C10orf88: variants seen among roughly 807,000 people sequenced by gnomAD.
C10orf88 encodes the protein ATPase PAAT.
In C10orf88, 29 loss-of-function variants were observed where a neutral mutation model predicts 34.2. The ratio of observed to expected loss-of-function variants is 0.85; its 90% CI spans 0.63 to 1.16. The LOEUF is 1.16. Among genes scored for constraint, C10orf88 ranks in the 50% most tolerant of loss-of-function variants. The pLI is 0.00. For missense variants in C10orf88, 507 were observed against 533.2 expected, an observed-to-expected ratio of 0.95 and a Z score of 0.48; for synonymous variants, 194 against 197.4, an observed-to-expected ratio of 0.98 and a Z score of 0.15.
chr10:122,944,195 A>T (rs1293079679), intron 4 of C10orf88, among the ~76,000 whole-genome samples: 1 of 152,088 alleles, frequency 6.6e-6, no homozygotes, highest in Admixed American at 6.6e-5. Context: ...CTATGCAGCC[A>T]TAAAAAATGG....
At position 122,948,767 on chromosome 10, in the gene C10orf88, G is replaced by C; in HGVS notation, c.530C>G (p.Ser177Cys). ...GTCTATCCTTGATCCTAGAGCAGGA[G>C]AGCTTGTTGAAGAATTTGCAAAAAC... ...RSVFANSSTS[S>C]PALGSRIDLD... The change falls in exon 4 of 6, where the codon TCT becomes TGT. Residue 177 changes from serine (S) to cysteine (C), a missense_variant. Physicochemically the swap from Ser to Cys is moderately radical, Grantham distance 112 (BLOSUM62 -1). Coordinates refer to ENST00000481909, the MANE Select transcript of C10orf88 (RefSeq NM_024942.4). The C allele has an allele frequency of 1.2e-6, 2 of 1,613,988 alleles. No individual in the cohort carries two copies. Among genetic ancestry groups the C allele is most frequent in the African/African-American group, 2.7e-5 (2 of 75,038 alleles).
At chr10:122,939,584 C>A (rs1012484250) in intron 4 of C10orf88, among the ~76,000 whole-genome samples, 1 of 151,752 alleles carries the variant, frequency 6.6e-6, no homozygotes, top group African/African-American at 2.4e-5. Flanking sequence ...TTATAAAATG[C>A]AAGTTTTGAA....
Position 122,951,976 on chromosome 10 carries a change from G to C in C10orf88, c.419C>G (p.Ser140Cys). 1 of 1,545,938 alleles carries C rather than the reference G, an allele frequency of 6.5e-7. No homozygotes were observed. The highest frequency in any genetic ancestry group is 1.2e-5 in the South Asian group (1 of 85,336). The change falls in exon 3 of 6, where the codon TCC becomes TGC. Residue 140 changes from serine to cysteine, a missense_variant. Ser to Cys is a moderately radical substitution (Grantham distance 112). Coordinates refer to ENST00000481909, the MANE Select transcript of C10orf88 (RefSeq NM_024942.4). ...LYKKNLKLES[S>C]THACKIKLLS... ...TACCTTTATTTTACAAGCATGTGTG[G>C]AGGACTCCAATTTTAGATTTTTTTT... is the stretch of plus-strand genomic sequence containing the variant.
intron 4 of C10orf88, among the ~76,000 whole-genome samples, chr10:122,944,076 A>G (rs895729871): frequency 1.3e-5 from 2 of 151,406 alleles, no homozygotes; most frequent in African/African-American, 4.9e-5. Flanking sequence ...ACATGCACAC[A>G]TATATTTATT....
In C10orf88 at chr10:122,937,892, T is replaced by C. The variant is rs747689323; in HGVS notation, c.916A>G (p.Asn306Asp). 5.0e-6 allele frequency: 8 copies of C among 1,613,476 alleles called. No individual in the cohort carries two copies. The highest frequency in any genetic ancestry group is 6.8e-6 in the Non-Finnish European group (8 of 1,179,552). ...VMPQNHSFLE[N>D]DLKNAMASFL... ...GAGGCCATTGCATTTTTAAGATCAT[T>C]TTCAAGAAAGGAATGGTTTTGAGGC... The change falls in exon 5 of 6, where the codon AAT becomes GAT. Residue 306 changes from asparagine to aspartate, a missense_variant. Asn to Asp is a conservative substitution (Grantham distance 23, BLOSUM62 1). Coordinates refer to ENST00000481909, the MANE Select transcript of C10orf88 (RefSeq NM_024942.4).
At chr10:122,935,546 C>G (rs1848527200) in intron 5 of C10orf88, among the ~76,000 whole-genome samples, 1 of 151,972 alleles carries the variant, frequency 6.6e-6, no homozygotes, top group African/African-American at 2.4e-5. Flanking sequence ...GTCTTGAAAT[C>G]AAGTAGTGAT....
Position 122,948,848 on chromosome 10 carries a change from G to T in C10orf88, c.449C>A (p.Ser150Tyr). ...GAACACACACTGCCTTTCGCCAAAG[G>T]AGAGCAACTATTATAAAACAAAAGT... ...STHACKIKLL[S>Y]FGERQCVFIS... The change falls in exon 4 of 6, where the codon TCC (serine) becomes TAC (tyrosine). Residue 150 changes from serine (S) to tyrosine (Y), a missense_variant. Ser to Tyr is a moderately radical substitution (Grantham distance 144). Coordinates refer to ENST00000481909, the MANE Select transcript of C10orf88 (RefSeq NM_024942.4). The T allele has an allele frequency of 6.2e-7, 1 of 1,610,022 alleles. No individual in the cohort carries two copies.
intron 4 of C10orf88, among the ~76,000 whole-genome samples, chr10:122,939,875 T>C (rs1301427962): frequency 6.6e-6 from 1 of 151,982 alleles, no homozygotes; most frequent in Non-Finnish European, 1.5e-5. Context: ...GTATTTGCTA[T>C]GTAAATTTTT....
rs533786077 is a variant in C10orf88, at chr10:122,953,373, G to A, written c.165-341C>T. ...ATTACAGGTGTGAGCCACCGTGCCC[G>A]GCCGGGGCTTCTTTCTTCTAACTCA... On this transcript the variant is annotated intron_variant, in intron 1 of 5. Transcript: ENST00000481909. Among the ~76,000 whole-genome samples, 198 of 152,252 alleles carry A rather than the reference G, an allele frequency of 1.3e-3. 1 individual carries two copies. The highest frequency in any genetic ancestry group is 4.4e-3 in the African/African-American group (183 of 41,548).
chr10:122,953,981 G>A (rs1345245482), intron 1 of C10orf88, 34 bp downstream of exon 1: 5 of 1,486,816 alleles, frequency 3.4e-6, no homozygotes, highest in Non-Finnish European at 4.4e-6. Flanking sequence ...CAGTTGCCGA[G>A]CATAGCGACC....
rs1358057225 is a variant in C10orf88 at position 122,931,791 on chromosome 10, C to G, written c.*636G>C. On this transcript the variant is annotated 3_prime_UTR_variant, in exon 6 of 6. Transcript: ENST00000481909. ...ACTGCATCTGTTTTACAGGAAAAAT[C>G]AAATCCAAAGTACTAATCGTAACAA... 1.3e-5 allele frequency: 2 copies of G among 152,224 alleles called. No individual in the cohort carries two copies. The highest frequency in any genetic ancestry group is 4.8e-5 in the African/African-American group (2 of 41,444). The allele number at this position is 152,224 out of a possible 1,614,324, so 9.4% of individuals were successfully genotyped here.
chr10:122,942,943 T>C (rs1476905358), intron 4 of C10orf88, among the ~76,000 whole-genome samples: 10 of 147,952 alleles, frequency 6.8e-5, no homozygotes, highest in Admixed American at 2.7e-4. Context: ...AAAATGGCCA[T>C]ACTGCCCAAG....
chr10:122,936,745 T>C (rs1848536912), intron 5 of C10orf88, among the ~76,000 whole-genome samples: 1 of 151,986 alleles, frequency 6.6e-6, no homozygotes, highest in Non-Finnish European at 1.5e-5. Flanking sequence ...TCTTGAACCA[T>C]AAATTTAAGA....
In C10orf88 at chr10:122,938,118, G is replaced by T. The variant is rs574050228; in HGVS notation, c.690C>A (p.Gly230=). Residue 230 remains glycine, a synonymous_variant, in exon 5 of 6, where the codon GGC becomes GGA. Transcript: ENST00000481909. The stretch of plus-strand genomic sequence containing the variant: ...CAATCATATGCTTGTATCCAGAATT[G>T]CCCAACACCGACTGAAGCTGCTCTC... ...PIGEQLQSVL[G]NSGYKHMIGL... The T allele has an allele frequency of 6.2e-7, 1 of 1,609,380 alleles. No homozygotes were observed. The highest frequency in any genetic ancestry group is 2.2e-5 in the East Asian group (1 of 44,810).
chr10:122,952,904 T>C lies in C10orf88; in HGVS notation c.293A>G (p.Asn98Ser), dbSNP rs556438586. The C allele has an allele frequency of 1.5e-5, 24 of 1,614,210 alleles. 1 individual carries two copies. The South Asian group carries it at 2.5e-4, about 17-fold the overall frequency. ...CTCCTCTCCTAAGTACACTTCCATA[T>C]TTCTTGCTGAACTTAAAATGCCAAT... is the stretch of plus-strand genomic sequence containing the variant. ...ASIGILSSAR[N>S]MEVYLGEEYC... is the part of the protein sequence containing the mutation. Residue 98 changes from asparagine to serine, a missense_variant, in exon 2 of 6, where the codon AAT (asparagine) becomes AGT (serine). Transcript: ENST00000481909.
At chr10:122,948,995 T>A in intron 3 of C10orf88, 140 bp from the exon 4 acceptor site, 1 of 730,618 alleles carries the variant, frequency 1.4e-6, no homozygotes, top group Non-Finnish European at 2.1e-6. Context: ...AACTTTTCTC[T>A]AGAACAGCAA....
intron 4 of C10orf88, among the ~76,000 whole-genome samples, chr10:122,942,493 T>C (rs938866369): frequency 6.6e-6 from 1 of 152,044 alleles, no homozygotes; most frequent in Non-Finnish European, 1.5e-5. Context: ...TCACCACTCC[T>C]ATTCAACATA....
At position 122,932,559 on chromosome 10, in the gene C10orf88, A is replaced by C. The variant is rs1434243300; in HGVS notation, c.1206T>G (p.His402Gln). ...TATCATCAATGTGCTCCTGGAGTTC[A>C]TGTATTCGCTGATCAATGTAATCCA... The part of the protein sequence containing the change: ...KLMDYIDQRI[H>Q]ELQEHIDDKI... The change falls in exon 6 of 6, where the codon CAT becomes CAG. Residue 402 changes from histidine to glutamine, a missense_variant. Physicochemically the swap from His to Gln is conservative, Grantham distance 24 (BLOSUM62 0). Transcript: ENST00000481909. The C allele has an allele frequency of 5.0e-6, 8 of 1,613,888 alleles. No individual in the cohort carries two copies. The highest frequency in any genetic ancestry group is 6.8e-6 in the Non-Finnish European group (8 of 1,179,964).
chr10:122,942,235 A>T (rs1257397621), intron 4 of C10orf88, among the ~76,000 whole-genome samples: 1 of 152,198 alleles, frequency 6.6e-6, no homozygotes, highest in Admixed American at 6.6e-5. Flanking sequence ...AGTTATTATC[A>T]TGTAATCCAG....
Sources: gnomAD v4.1 joint callset for allele counts (sites outside exome capture counted in the v4.1 genomes callset) on GRCh38, gnomAD v4.1.1 for gene constraint, MANE v1.5 for transcripts, NCBI Gene and HGNC (gene_info 2026-07-23, HGNC 2026-07-21) for gene names.